IL26: variants seen among roughly 807,000 people sequenced by gnomAD.
The protein encoded by IL26 is interleukin-26.
In IL26, 23 loss-of-function variants were observed where a neutral mutation model predicts 21.7. The observed-to-expected ratio is 1.06, with a 90% CI of 0.76 to 1.50. IL26 has a LOEUF of 1.50. IL26 is among the 40% of genes most tolerant of loss of function. The pLI, the probability that IL26 is intolerant of heterozygous loss-of-function variation, is 0.00. For synonymous variants in IL26, 63 were observed against 67.8 expected, an observed-to-expected ratio of 0.93 and a Z score of 0.34; for missense variants, 204 against 196.0, an observed-to-expected ratio of 1.04 and a Z score of -0.24.
At chr12:68,216,723 G>A (rs1723008409) in intron 3 of IL26, among the ~76,000 whole-genome samples, 1 of 152,174 alleles carries the variant, frequency 6.6e-6, no homozygotes. Context: ...TTATTAAACA[G>A]TCTACAAAAA....
At position 68,202,031 on chromosome 12, in the gene IL26, C is replaced by A; in HGVS notation, c.416G>T (p.Arg139Ile). The A allele has an allele frequency of 6.3e-7, 1 of 1,582,326 alleles. No individual in the cohort carries two copies. The highest frequency in any genetic ancestry group is 8.6e-7 in the Non-Finnish European group (1 of 1,161,370). Residue 139 changes from arginine (R) to isoleucine (I), a missense_variant, in exon 4 of 5, where the codon AGA becomes ATA. Physicochemically the swap from Arg to Ile is moderately conservative, Grantham distance 97. Transcript: ENST00000229134. ...REMKSITRMK[R>I]IFYRIGNKGI... ...TAGAATTCTTACCCTATAAAATATT[C>A]TTTTCATCCTGGTAATGGATTTCAT... is the stretch of plus-strand genomic sequence containing the variant.
chr12:68,204,434 C>T (rs867949598), intron 3 of IL26, among the ~76,000 whole-genome samples: 12 of 152,226 alleles, frequency 7.9e-5, no homozygotes, highest in Middle Eastern at 6.8e-3. Flanking sequence ...TGAGCCGCCG[C>T]GCCTGGCCAG....
At chr12:68,216,086 A>G (rs1470594532) in intron 3 of IL26, among the ~76,000 whole-genome samples, 1 of 151,534 alleles carries the variant, frequency 6.6e-6, no homozygotes, top group Non-Finnish European at 1.5e-5. Context: ...AGGTCAGAAG[A>G]TCGAGACCAT....
intron 3 of IL26, among the ~76,000 whole-genome samples, chr12:68,204,395 G>A (rs965300898): frequency 5.9e-5 from 9 of 152,078 alleles, no homozygotes; most frequent in African/African-American, 1.9e-4. Context: ...TGCCCGCCTC[G>A]GCCTCCCAAA....
At chr12:68,204,677 A>G (rs1868483259) in intron 3 of IL26, among the ~76,000 whole-genome samples, 2 of 148,782 alleles carry the variant, frequency 1.3e-5, no homozygotes, top group African/African-American at 5.0e-5. Flanking sequence ...GGAGGAAAAC[A>G]CTGTTCAATT....
At chr12:68,215,502 A>G (rs541653553) in intron 3 of IL26, among the ~76,000 whole-genome samples, 1 of 152,150 alleles carries the variant, frequency 6.6e-6, no homozygotes, top group African/African-American at 2.4e-5. Flanking sequence ...GATGCAGAAG[A>G]AGGGATAGTG....
Position 68,217,885 on chromosome 12 carries a change from G to A in IL26, c.363+7264C>T, listed in dbSNP as rs149749252. Among the ~76,000 whole-genome samples, 803 of 152,184 alleles carry A rather than the reference G, an allele frequency of 5.3e-3. 7 individuals carry two copies. Among genetic ancestry groups the A allele is most frequent in the African/African-American group, 0.018 (753 of 41,556 alleles). On this transcript the variant is annotated intron_variant, in intron 3 of 4. Coordinates refer to ENST00000229134, the MANE Select transcript of IL26 (RefSeq NM_018402.2). ...GAGAAACTCTGTGAGACAAATGGCC[G>A]AATGTCCTGAACAAATACATTTCAA...
At chr12:68,202,322 C>T (rs1868411943) in intron 3 of IL26, among the ~76,000 whole-genome samples, 1 of 152,152 alleles carries the variant, frequency 6.6e-6, no homozygotes. Context: ...GTTAGCAACT[C>T]TCGAAACTCT....
Position 68,201,556 on chromosome 12 carries a change from G to A in IL26, c.*289C>T, listed in dbSNP as rs1868390904. ...CACTCCACACACAAATATTACACGA[G>A]TTAATTCAGGTTACATACTTTAAAT... On this transcript the variant is annotated 3_prime_UTR_variant, in exon 5 of 5. Transcript: ENST00000229134. 1.2e-5 allele frequency: 3 copies of A among 254,610 alleles called. No homozygotes were observed. The highest frequency in any genetic ancestry group is 2.2e-5 in the Non-Finnish European group (3 of 134,104). The allele number at this position is 254,610 out of a possible 1,614,324, so 15.8% of individuals were successfully genotyped here.
At chr12:68,208,362 C>T (rs1051590937) in intron 3 of IL26, among the ~76,000 whole-genome samples, 6 of 152,186 alleles carry the variant, frequency 3.9e-5, no homozygotes, top group South Asian at 2.1e-4. Context: ...CTGAATACCT[C>T]GGACTAAATC....
intron 3 of IL26, among the ~76,000 whole-genome samples, chr12:68,202,751 G>C (rs1405201333): frequency 6.6e-6 from 1 of 152,162 alleles, no homozygotes. Context: ...TGGGGACACA[G>C]AGCCAAACCA....
At chr12:68,210,877 T>A (rs2120441121) in intron 3 of IL26, among the ~76,000 whole-genome samples, 1 of 152,360 alleles carries the variant, frequency 6.6e-6, no homozygotes, top group African/African-American at 2.4e-5. Flanking sequence ...TTCATCAGAA[T>A]TAGTTCACAC....
chr12:68,225,340 C>T (rs954170016), intron 2 of IL26, 57 bp from the exon 3 acceptor site: 5 of 1,560,478 alleles, frequency 3.2e-6, no homozygotes, highest in Admixed American at 3.6e-5. Context: ...TTTTTAATGT[C>T]CCCCGATCAT....
chr12:68,204,217 T>C (rs1008863622), intron 3 of IL26, among the ~76,000 whole-genome samples: 5 of 150,362 alleles, frequency 3.3e-5, no homozygotes, highest in South Asian at 2.1e-4. Context: ...AATCTTGGCT[T>C]ACTGCAAGCT....
intron 3 of IL26, among the ~76,000 whole-genome samples, chr12:68,220,257 C>T (rs1025456434): frequency 2.0e-5 from 3 of 151,976 alleles, no homozygotes; most frequent in Admixed American, 2.0e-4. Flanking sequence ...ACAAGAAAAC[C>T]GTAGACTAAC....
chr12:68,220,828 G>C (rs987015243), intron 3 of IL26, among the ~76,000 whole-genome samples: 1 of 152,158 alleles, frequency 6.6e-6, no homozygotes, highest in African/African-American at 2.4e-5. Context: ...CTTGAGATGG[G>C]GTTTTGCCAT....
intron 3 of IL26, among the ~76,000 whole-genome samples, chr12:68,216,076 A>G (rs927999485): frequency 6.6e-6 from 1 of 151,540 alleles, no homozygotes; most frequent in Non-Finnish European, 1.5e-5. Context: ...ATGGATCACA[A>G]GGTCAGAAGA....
At chr12:68,210,432 A>G (rs1040320428) in intron 3 of IL26, among the ~76,000 whole-genome samples, 1 of 148,778 alleles carries the variant, frequency 6.7e-6, no homozygotes, top group Non-Finnish European at 1.5e-5. Flanking sequence ...CACCAGAAAG[A>G]TTTATAGGAA....
chr12:68,212,982 G>A (rs534492324), intron 3 of IL26, among the ~76,000 whole-genome samples: 2 of 152,188 alleles, frequency 1.3e-5, no homozygotes, highest in Non-Finnish European at 2.9e-5. Flanking sequence ...TGATAGAGGA[G>A]AGGCTTTCAA....
Sources: allele counts gnomAD v4.1 joint callset (sites outside exome capture counted in the v4.1 genomes callset), GRCh38; gene constraint gnomAD v4.1.1; transcripts MANE v1.5; gene names NCBI Gene and HGNC (gene_info 2026-07-23, HGNC 2026-07-21).